The following TOX variants were observed in gnomAD, a reference collection of about 807,000 sequenced individuals.
TOX encodes thymocyte selection associated high mobility group box, also known as thymocyte selection-associated high mobility group box protein TOX.
A neutral mutation model predicts 53.7 loss-of-function variants in TOX; 11 were observed. The ratio of observed to expected loss-of-function variants is 0.20; its 90% CI spans 0.13 to 0.34. TOX has a LOEUF of 0.34. TOX is among the 10% of genes least tolerant of loss of function. TOX has a pLI of 1.00. For missense variants in TOX, 570 were observed against 664.6 expected (o/e 0.86, Z 1.56); for synonymous variants, 225 against 245.3 (o/e 0.92, Z 0.77).
chr8:59,070,016 C>T (rs1804165816), intron 1 of TOX, among the ~76,000 whole-genome samples: 1 of 152,196 alleles, frequency 6.6e-6, no homozygotes, highest in Admixed American at 6.5e-5. Context: ...TCAAGGGCAA[C>T]ATGGTTTTAA....
intron 1 of TOX, among the ~76,000 whole-genome samples, chr8:59,067,426 C>T (rs371071099): frequency 2.0e-5 from 3 of 151,942 alleles, no homozygotes; most frequent in East Asian, 1.9e-4. Flanking sequence ...TGATGGTGCA[C>T]GCCTGTAATC....
At chr8:58,831,353 C>T (rs925888067) in intron 5 of TOX, among the ~76,000 whole-genome samples, 24 of 152,066 alleles carry the variant, frequency 1.6e-4, no homozygotes, top group East Asian at 1.4e-3. Flanking sequence ...TGTGAGGCAC[C>T]GATGTTATAA....
chr8:58,860,324 C>G (rs1015996200), intron 3 of TOX, among the ~76,000 whole-genome samples: 3 of 152,116 alleles, frequency 2.0e-5, no homozygotes, highest in African/African-American at 7.2e-5. Context: ...ACCTGGTCCA[C>G]AGTGGTGACC....
chr8:58,946,892 G>A (rs1270133137), intron 2 of TOX, among the ~76,000 whole-genome samples: 13 of 152,012 alleles, frequency 8.6e-5, no homozygotes, highest in Non-Finnish European at 1.6e-4. Context: ...TAAAGAATCA[G>A]GCTTATTTAT....
At chr8:58,894,414 A>G (rs1329925612) in intron 3 of TOX, among the ~76,000 whole-genome samples, 1 of 152,236 alleles carries the variant, frequency 6.6e-6, no homozygotes, top group African/African-American at 2.4e-5. Context: ...TTAAACATAG[A>G]TGTTCTGGCT....
chr8:59,073,673 T>A (rs767769765), intron 1 of TOX, among the ~76,000 whole-genome samples: 11 of 152,190 alleles, frequency 7.2e-5, no homozygotes, highest in African/African-American at 2.7e-4. Flanking sequence ...TAGAGAAGGC[T>A]GTTCATGGTC....
chr8:58,990,825 C>G (rs12547041), intron 1 of TOX, among the ~76,000 whole-genome samples: 29,704 of 152,076 alleles, frequency 0.2, 3,104 homozygotes, highest in Non-Finnish European at 0.22. Flanking sequence ...TCTTCTGCTC[C>G]CACAATGTGG....
intron 4 of TOX, among the ~76,000 whole-genome samples, chr8:58,843,769 G>T (rs1023269625): frequency 2.6e-5 from 4 of 152,228 alleles, no homozygotes; most frequent in Admixed American, 1.3e-4. Context: ...GAAATGAGCT[G>T]CCATTTTAGA....
At chr8:59,074,479 G>C (rs1804257362) in intron 1 of TOX, among the ~76,000 whole-genome samples, 1 of 152,028 alleles carries the variant, frequency 6.6e-6, no homozygotes, top group South Asian at 2.1e-4. Flanking sequence ...TAAGATATGC[G>C]GATGGATCAA....
intron 5 of TOX, among the ~76,000 whole-genome samples, chr8:58,832,314 C>T (rs961704155): frequency 6.6e-6 from 1 of 151,578 alleles, no homozygotes; most frequent in African/African-American, 2.4e-5. Context: ...ACGGACTTTG[C>T]TTACATTCTA....
intron 1 of TOX, among the ~76,000 whole-genome samples, chr8:59,062,913 T>C (rs1804012811): frequency 6.6e-6 from 1 of 152,184 alleles, no homozygotes; most frequent in African/African-American, 2.4e-5. Context: ...ATGGATTAAC[T>C]TCTGTAAATG....
rs1030666242 is a variant in TOX at position 59,095,843 on chromosome 8, C to T, written c.102+23043G>A. On this transcript the variant is annotated intron_variant, in intron 1 of 8. Coordinates refer to ENST00000361421, the MANE Select transcript of TOX (RefSeq NM_014729.3). ...AGGCATGCTAGCACTCCAGTGGTTT[C>T]CGGAATTCAGCAGAACTGATGTGTT... 5.3e-5 allele frequency among the ~76,000 whole-genome samples: 8 copies of T among 152,324 alleles called. No homozygotes were observed. In the South Asian group the frequency reaches 8.3e-4, roughly 16 times the overall value.
At chr8:59,103,988 A>C (rs1804852165) in intron 1 of TOX, among the ~76,000 whole-genome samples, 1 of 152,226 alleles carries the variant, frequency 6.6e-6, no homozygotes, top group African/African-American at 2.4e-5. Flanking sequence ...GTGCTTTAAG[A>C]AGTTAGATTT....
Position 58,855,983 on chromosome 8 carries a change from C to A in TOX, c.412-4178G>T, listed in dbSNP as rs148693474. On this transcript the variant is annotated intron_variant, in intron 3 of 8. Coordinates refer to ENST00000361421, the MANE Select transcript of TOX (RefSeq NM_014729.3). ...TTGCCCAGTACTTTTACTTATTGAT[C>A]CTTGTAACTTCCCTTTGAGGGAGCC... 5.7e-4 allele frequency among the ~76,000 whole-genome samples: 87 copies of A among 152,304 alleles called. No individual in the cohort carries two copies. In the East Asian group the frequency reaches 0.016, roughly 28 times the overall value.
chr8:59,082,569 A>G (rs560628730), intron 1 of TOX, among the ~76,000 whole-genome samples: 1 of 152,338 alleles, frequency 6.6e-6, no homozygotes, highest in East Asian at 1.9e-4. Context: ...AATGCCTTCT[A>G]GGTGTGGGCA....
At chr8:58,960,678 T>G (rs2129178526) in intron 1 of TOX, among the ~76,000 whole-genome samples, 1 of 152,302 alleles carries the variant, frequency 6.6e-6, no homozygotes, top group South Asian at 2.1e-4. Context: ...CATACGCAAA[T>G]TTTCAAGTTA....
intron 1 of TOX, among the ~76,000 whole-genome samples, chr8:59,045,579 G>A (rs1310682076): frequency 1.3e-5 from 2 of 152,112 alleles, no homozygotes; most frequent in Non-Finnish European, 2.9e-5. Context: ...GCAAGGTCAC[G>A]ACAAATTCTG....
intron 1 of TOX, among the ~76,000 whole-genome samples, chr8:58,962,402 G>T (rs1261389906): frequency 6.6e-6 from 1 of 152,072 alleles, no homozygotes; most frequent in African/African-American, 2.4e-5. Flanking sequence ...CAAGAGTTAG[G>T]TATTATTATT....
chr8:59,024,105 C>T (rs1027337003), intron 1 of TOX, among the ~76,000 whole-genome samples: 2 of 152,148 alleles, frequency 1.3e-5, no homozygotes, highest in African/African-American at 4.8e-5. Flanking sequence ...GAATCTGTGT[C>T]TTTCTCTCTC....
Sources: gnomAD v4.1 joint callset for allele counts (sites outside exome capture counted in the v4.1 genomes callset) on GRCh38, gnomAD v4.1.1 for gene constraint, MANE v1.5 for transcripts, NCBI Gene and HGNC (gene_info 2026-07-23, HGNC 2026-07-21) for gene names.